PDE4D: variants seen among roughly 807,000 people sequenced by gnomAD.
PDE4D encodes the protein 3',5'-cyclic-AMP phosphodiesterase 4D.
In PDE4D, 24 loss-of-function variants were observed where a neutral mutation model predicts 87.4. That is an observed-to-expected ratio of 0.27 (90% CI 0.20 to 0.39). The LOEUF is 0.39. Ranked by LOEUF, PDE4D falls within the 10% of genes least tolerant of loss-of-function variation. The pLI, the probability that PDE4D is intolerant of heterozygous loss-of-function variation, is 1.00. For missense variants in PDE4D, 714 were observed against 1,041.0 expected (o/e 0.69, Z 4.32); for synonymous variants, 384 against 383.2 (o/e 1.00, Z -0.02).
At chr5:60,133,081 G>C (rs915346442) in intron 2 of PDE4D, among the ~76,000 whole-genome samples, 2 of 152,122 alleles carry the variant, frequency 1.3e-5, no homozygotes, top group Non-Finnish European at 2.9e-5. Flanking sequence ...CACATAAAAA[G>C]GCATCAAAGT....
chr5:60,461,549 A>C (rs780636545), intron 1 of PDE4D, among the ~76,000 whole-genome samples: 24 of 152,362 alleles, frequency 1.6e-4, no homozygotes, highest in Non-Finnish European at 3.5e-4. Flanking sequence ...GGGAATTATA[A>C]AATATTTGAT....
At chr5:60,276,541 C>A (rs1163908547) in intron 1 of PDE4D, among the ~76,000 whole-genome samples, 2 of 152,178 alleles carry the variant, frequency 1.3e-5, no homozygotes, top group African/African-American at 2.4e-5. Context: ...CACAGACAGC[C>A]AACTACTCAA....
At chr5:59,108,664 C>T (rs1027471547) in intron 5 of PDE4D, among the ~76,000 whole-genome samples, 6 of 152,178 alleles carry the variant, frequency 3.9e-5, no homozygotes, top group Non-Finnish European at 7.4e-5. Flanking sequence ...GAGGCCAAGG[C>T]GGGCCGATCA....
At chr5:59,530,357 T>C (rs1813982957) in intron 1 of PDE4D, among the ~76,000 whole-genome samples, 1 of 152,154 alleles carries the variant, frequency 6.6e-6, no homozygotes, top group Admixed American at 6.5e-5. Context: ...TAGATTACAG[T>C]GGTCCCTCAG....
At chr5:59,791,833 A>T (rs901177405) in intron 1 of PDE4D, among the ~76,000 whole-genome samples, 3 of 152,168 alleles carry the variant, frequency 2.0e-5, no homozygotes, top group African/African-American at 7.2e-5. Context: ...TAGGCAACTC[A>T]CTTACACCTC....
intron 1 of PDE4D, among the ~76,000 whole-genome samples, chr5:60,513,695 A>C (rs950546300): frequency 6.6e-6 from 1 of 151,988 alleles, no homozygotes; most frequent in African/African-American, 2.4e-5. Context: ...CCATATATTT[A>C]GAAATTAGGT....
rs533412787 is a variant in PDE4D, at chr5:59,963,575, T to C, written c.272+24913A>G. Reference sequence around the variant, plus strand: ...GGCTTCTGAAGCACTAAGTTAACCTTAGTAATCAAGAAGACAAGCCTCCCC... The same window carrying C: ...GGCTTCTGAAGCACTAAGTTAACCTCAGTAATCAAGAAGACAAGCCTCCCC... On this transcript the variant is annotated intron_variant, in intron 3 of 16. Coordinates refer to the PDE4D transcript ENST00000502484. 6.6e-5 allele frequency among the ~76,000 whole-genome samples: 5 copies of C among 75,764 alleles called. No individual in the cohort carries two copies. The South Asian group carries it at 2.0e-3, about 30-fold the overall frequency. 49.7% of individuals were successfully genotyped at this position (75,764 alleles called of 152,430 possible).
intron 1 of PDE4D, among the ~76,000 whole-genome samples, chr5:59,461,423 A>G (rs1800769581): frequency 6.6e-6 from 1 of 152,194 alleles, no homozygotes; most frequent in African/African-American, 2.4e-5. Flanking sequence ...AAATTAAATC[A>G]GGTTCTCTTT....
At chr5:60,228,992 C>T (rs1745489424) in intron 1 of PDE4D, among the ~76,000 whole-genome samples, 1 of 152,068 alleles carries the variant, frequency 6.6e-6, no homozygotes, top group African/African-American at 2.4e-5. Flanking sequence ...ATTTGTTATG[C>T]AGCAATATAT....
intron 3 of PDE4D, among the ~76,000 whole-genome samples, chr5:59,915,795 T>G (rs1753973923): frequency 6.6e-6 from 1 of 152,190 alleles, no homozygotes; most frequent in African/African-American, 2.4e-5. Flanking sequence ...TAATTTTCAT[T>G]TATTTAGAAC....
chr5:59,944,057 T>A (rs1261065429), intron 3 of PDE4D, among the ~76,000 whole-genome samples: 3 of 152,134 alleles, frequency 2.0e-5, no homozygotes, highest in Non-Finnish European at 2.9e-5. Flanking sequence ...CACAAACAGA[T>A]CCTTAAAGTG....
At chr5:59,187,972 C>T (rs961812118) in intron 3 of PDE4D, among the ~76,000 whole-genome samples, 3 of 152,022 alleles carry the variant, frequency 2.0e-5, no homozygotes, top group African/African-American at 7.2e-5. Flanking sequence ...CTGTGTTAGT[C>T]TTTTAAGCTT....
intron 1 of PDE4D, among the ~76,000 whole-genome samples, chr5:60,353,980 C>G (rs1759408724): frequency 6.6e-6 from 1 of 152,030 alleles, no homozygotes; most frequent in African/African-American, 2.4e-5. Flanking sequence ...TAAGAATGAA[C>G]ATCATGGTAA....
At position 59,402,448 on chromosome 5, in the gene PDE4D, C is replaced by T. The variant is rs898529756; in HGVS notation, c.456-186480G>A. ...GGCCAGGTGTACATGTCTCCTCTCC[C>T]GAACGGTCAGGGGTAGCCAGTCACA... On this transcript the variant is annotated intron_variant, in intron 1 of 14. Transcript: ENST00000340635. 7.2e-5 allele frequency among the ~76,000 whole-genome samples: 11 copies of T among 152,262 alleles called. No homozygotes were observed. The East Asian group carries it at 1.7e-3, about 24-fold the overall frequency.
At chr5:59,247,339 T>C (rs966378399) in intron 1 of PDE4D, among the ~76,000 whole-genome samples, 1 of 152,138 alleles carries the variant, frequency 6.6e-6, no homozygotes, top group African/African-American at 2.4e-5. Flanking sequence ...GTTTCAATGT[T>C]TGTGGGCACC....
intron 1 of PDE4D, among the ~76,000 whole-genome samples, chr5:59,542,813 G>A (rs527459660): frequency 6.6e-6 from 1 of 152,080 alleles, no homozygotes; most frequent in Non-Finnish European, 1.5e-5. Context: ...TATACAGTAT[G>A]TAAGAAAAAA....
At chr5:60,293,247 C>T (rs904451515) in intron 1 of PDE4D, among the ~76,000 whole-genome samples, 15 of 151,910 alleles carry the variant, frequency 9.9e-5, no homozygotes, top group Admixed American at 2.6e-4. Flanking sequence ...AAAGATGTAA[C>T]GCGGCCGGGC....
intron 2 of PDE4D, among the ~76,000 whole-genome samples, chr5:60,001,865 C>T (rs1764046905): frequency 1.5e-5 from 2 of 131,716 alleles, no homozygotes; most frequent in South Asian, 5.3e-4. Context: ...TTTTGAAAGT[C>T]CCATAGTAAT....
At chr5:60,176,388 T>C (rs1421662590) in intron 2 of PDE4D, among the ~76,000 whole-genome samples, 1 of 152,164 alleles carries the variant, frequency 6.6e-6, no homozygotes, top group Non-Finnish European at 1.5e-5. Context: ...GTATAGATTT[T>C]TCCTTATGGT....
Sources: gnomAD v4.1 joint callset for allele counts (sites outside exome capture counted in the v4.1 genomes callset) on GRCh38, gnomAD v4.1.1 for gene constraint, MANE v1.5 for transcripts, NCBI Gene and HGNC (gene_info 2026-07-23, HGNC 2026-07-21) for gene names.